Variants in IQGAP1 observed in about 807,000 individuals in gnomAD.
IQGAP1 encodes ras GTPase-activating-like protein IQGAP1.
A neutral mutation model predicts 215.6 loss-of-function variants in IQGAP1; 66 were observed. The observed-to-expected ratio is 0.31, with a 90% CI of 0.25 to 0.38. The LOEUF (loss-of-function observed/expected upper bound fraction) is 0.38. IQGAP1 is among the 10% of genes least tolerant of loss of function. The probability of loss-of-function intolerance (pLI) is 1.00; values close to 1 mark genes in which losing one functional copy is unlikely to be tolerated. For synonymous variants in IQGAP1, 772 were observed against 728.7 expected (o/e 1.06, Z -0.96); for missense variants, 1,712 against 1,997.1 (o/e 0.86, Z 2.72).
At chr15:90,446,893 A>G (rs1228302730) in intron 9 of IQGAP1, among the ~76,000 whole-genome samples, 1 of 152,234 alleles carries the variant, frequency 6.6e-6, no homozygotes, top group Non-Finnish European at 1.5e-5. Flanking sequence ...TATGTTTGCA[A>G]TATAAATGTT....
chr15:90,448,058 A>G (rs888760655), intron 9 of IQGAP1, among the ~76,000 whole-genome samples: 1 of 152,166 alleles, frequency 6.6e-6, no homozygotes, highest in South Asian at 2.1e-4. Context: ...TAAAGGAAAT[A>G]AGGCTGCTAG....
chr15:90,439,499 A>C, intron 6 of IQGAP1, 100 bp downstream of exon 6: 1 of 819,170 alleles, frequency 1.2e-6, no homozygotes. Flanking sequence ...TTAAAAATAC[A>C]CTGGCAGTGG....
At chr15:90,393,677 C>T (rs1964670512) in intron 2 of IQGAP1, 1 of 152,166 alleles carries the variant, frequency 6.6e-6, no homozygotes, top group South Asian at 2.1e-4. Context: ...ATTTCTTCAT[C>T]AGGTTCTGCA....
chr15:90,499,763 C>G (rs1459706238), intron 37 of IQGAP1, among the ~76,000 whole-genome samples: 1 of 152,172 alleles, frequency 6.6e-6, no homozygotes, highest in Admixed American at 6.5e-5. Flanking sequence ...AACTCCAAAT[C>G]AACCAGAAGC....
At position 90,482,075 on chromosome 15, in the gene IQGAP1, A is replaced by G. The variant is rs1381915231; in HGVS notation, c.3445A>G (p.Ile1149Val). The stretch of plus-strand genomic sequence containing the variant: ...TGTGACAGACAAGTTTCTCTCAGCC[A>G]TTGTCAGCTCTGTGGACAAAATCCC... Reference protein sequence around the residue: ...RAVTDKFLSAIVSSVDKIPYG... With the variant: ...RAVTDKFLSAVVSSVDKIPYG... Residue 1149 changes from isoleucine (I) to valine (V), a missense_variant, in exon 27 of 38, where the codon ATT (isoleucine) becomes GTT (valine). Physicochemically the swap from Ile to Val is conservative, Grantham distance 29. Around this residue, in one of 2 missense-constraint regions of IQGAP1, gnomAD observed 691 missense variants for 923.0 expected, o/e 0.75. Coordinates refer to ENST00000268182, the MANE Select transcript of IQGAP1 (RefSeq NM_003870.4). The G allele has an allele frequency of 5.0e-6, 8 of 1,614,112 alleles. No individual in the cohort carries two copies. Among genetic ancestry groups the G allele is most frequent in the Non-Finnish European group, 5.9e-6 (7 of 1,180,036 alleles).
At chr15:90,469,896 T>C (rs892607840) in intron 18 of IQGAP1, among the ~76,000 whole-genome samples, 2 of 152,180 alleles carry the variant, frequency 1.3e-5, no homozygotes, top group East Asian at 3.8e-4. Context: ...GTGTATTACC[T>C]GGCACGTGGT....
intron 9 of IQGAP1, among the ~76,000 whole-genome samples, chr15:90,445,613 A>G (rs932867102): frequency 6.6e-6 from 1 of 152,176 alleles, no homozygotes; most frequent in Non-Finnish European, 1.5e-5. Context: ...TTCCTAGCAT[A>G]GGTTTAGACT....
intron 2 of IQGAP1, among the ~76,000 whole-genome samples, chr15:90,418,056 A>G (rs968599498): frequency 2.6e-5 from 4 of 152,132 alleles, no homozygotes; most frequent in South Asian, 2.1e-4. Context: ...ATCATCTCCT[A>G]TTGTAGCTAG....
At chr15:90,405,925 A>G (rs1229515770) in intron 2 of IQGAP1, among the ~76,000 whole-genome samples, 1 of 151,912 alleles carries the variant, frequency 6.6e-6, no homozygotes, top group Non-Finnish European at 1.5e-5. Flanking sequence ...GTGTTTTATG[A>G]TAGTTAGTTT....
At chr15:90,454,941 T>A (rs1965658911) in intron 14 of IQGAP1, among the ~76,000 whole-genome samples, 1 of 152,230 alleles carries the variant, frequency 6.6e-6, no homozygotes, top group Non-Finnish European at 1.5e-5. Context: ...TCTGAACAAC[T>A]GGCTGCAAAT....
intron 4 of IQGAP1, among the ~76,000 whole-genome samples, chr15:90,432,511 A>G (rs1433444838): frequency 1.3e-5 from 2 of 152,194 alleles, no homozygotes; most frequent in Non-Finnish European, 2.9e-5. Context: ...TATCAAGTTC[A>G]GACTTGTCTG....
chr15:90,429,667 G>GT lies in IQGAP1; in HGVS notation c.390+2dup, dbSNP rs757345603. 1 of 1,592,572 alleles carries GT rather than the reference G, an allele frequency of 6.3e-7. No homozygotes were observed. The highest frequency in any genetic ancestry group is 1.1e-5 in the South Asian group (1 of 88,640). ...CATGGATGAGATTGGATTGCCTAAGGTAACTTACCTGAGATAATAGTTTAG... is the reference window on the plus strand; with the variant it reads ...CATGGATGAGATTGGATTGCCTAAGGTTAACTTACCTGAGATAATAGTTTAG... On this transcript the variant is annotated splice_donor_variant, in intron 4 of 37. Transcript: ENST00000268182. LOFTEE classifies it high-confidence loss of function.
chr15:90,479,458 C>T (rs777958113), intron 26 of IQGAP1, among the ~76,000 whole-genome samples: 13 of 151,872 alleles, frequency 8.6e-5, no homozygotes, highest in Non-Finnish European at 1.6e-4. Flanking sequence ...GCTTATCTCA[C>T]CAGCCATGGT....
rs745492072 is a variant in IQGAP1, at chr15:90,477,153, C to G, written c.3027C>G (p.Leu1009=). 6 of 1,613,966 alleles carry G rather than the reference C, an allele frequency of 3.7e-6. No homozygotes were observed. Among genetic ancestry groups the G allele is most frequent in the Admixed American group, 3.3e-5 (2 of 60,002 alleles). The part of the protein sequence containing the change: ...TKFMDSVIFT[L]YNYASNQREE... ...TCATGGACTCTGTAATCTTCACACT[C>G]TACAACTACGCGTCCAACCAGCGAG... Residue 1009 remains leucine, a synonymous_variant, in exon 25 of 38, where the codon CTC becomes CTG. Transcript: ENST00000268182.
intron 15 of IQGAP1, among the ~76,000 whole-genome samples, chr15:90,457,754 C>T (rs1450987773): frequency 3.3e-5 from 5 of 151,916 alleles, no homozygotes; most frequent in Admixed American, 6.6e-5. Context: ...GTAAATAGTG[C>T]TTCTATGAAT....
rs1476383912 is a variant in IQGAP1, at chr15:90,492,593, G to C, written c.4510G>C (p.Val1504Leu). 6.2e-7 allele frequency: 1 copy of C among 1,613,486 alleles called. No individual in the cohort carries two copies. Among genetic ancestry groups the C allele is most frequent in the Non-Finnish European group, 8.5e-7 (1 of 1,179,844 alleles). Residue 1504 changes from valine (V) to leucine (L), a missense_variant, in exon 35 of 38, where the codon GTG becomes CTG. Physicochemically the swap from Val to Leu is conservative, Grantham distance 32. This residue lies in a region of IQGAP1 where 691 missense variants were observed against 923.0 expected (regional missense o/e 0.75). Coordinates refer to ENST00000268182, the MANE Select transcript of IQGAP1 (RefSeq NM_003870.4). ...RYRQRRKAEL[V>L]KLQQTYAALN... is the part of the protein sequence containing the mutation. Reference sequence around the variant, plus strand: ...CCGACAGAGGAGAAAGGCCGAACTAGTGAAACTGCAACAGACATACGCTGC... The same window carrying C: ...CCGACAGAGGAGAAAGGCCGAACTACTGAAACTGCAACAGACATACGCTGC...
chr15:90,431,402 C>G (rs974204691), intron 4 of IQGAP1: 2 of 152,134 alleles, frequency 1.3e-5, no homozygotes, highest in African/African-American at 4.8e-5. Context: ...AAATATTACA[C>G]TGTGCACCTG....
chr15:90,425,894 A>G (rs922123989), intron 2 of IQGAP1, among the ~76,000 whole-genome samples: 6 of 152,164 alleles, frequency 3.9e-5, no homozygotes, highest in Non-Finnish European at 5.9e-5. Flanking sequence ...GGTGGAGAAG[A>G]AAGTGGCATT....
chr15:90,444,185 G>C (rs1965491061), intron 9 of IQGAP1, among the ~76,000 whole-genome samples: 1 of 150,486 alleles, frequency 6.6e-6, no homozygotes, highest in Admixed American at 6.6e-5. Flanking sequence ...CCTTCACTTA[G>C]AAATAATCAT....
Sources: allele counts gnomAD v4.1 joint callset (sites outside exome capture counted in the v4.1 genomes callset), GRCh38; gene constraint gnomAD v4.1.1; regional missense constraint gnomAD v4.1.1; transcripts MANE v1.5; gene names NCBI Gene and HGNC (gene_info 2026-07-23, HGNC 2026-07-21).